The following PTPRR variants were observed in gnomAD, a reference collection of about 807,000 sequenced individuals.
PTPRR encodes the protein protein tyrosine phosphatase receptor type R, also known as receptor-type tyrosine-protein phosphatase R.
A neutral mutation model predicts 77.2 loss-of-function variants in PTPRR; 38 were observed. The ratio of observed to expected loss-of-function variants is 0.49; its 90% CI spans 0.38 to 0.65. The LOEUF (loss-of-function observed/expected upper bound fraction) is 0.65. Among genes scored for constraint, PTPRR ranks in the 30% least tolerant of loss-of-function variants. PTPRR has a pLI of 0.00. For synonymous variants in PTPRR, 299 were observed against 283.1 expected (o/e 1.06, Z -0.57); for missense variants, 744 against 799.2 (o/e 0.93, Z 0.83).
intron 2 of PTPRR, among the ~76,000 whole-genome samples, chr12:70,853,174 C>A (rs1471189051): frequency 1.3e-5 from 2 of 152,148 alleles, no homozygotes; most frequent in African/African-American, 4.8e-5. Flanking sequence ...TTACTCTGTG[C>A]AATTACTGTG....
intron 2 of PTPRR, among the ~76,000 whole-genome samples, chr12:70,828,949 G>A (rs12302921): frequency 0.027 from 4,142 of 152,186 alleles, 115 homozygotes; most frequent in African/African-American, 0.076. Context: ...CCAGGCAGCA[G>A]GCAAGGTGCC....
intron 2 of PTPRR, among the ~76,000 whole-genome samples, chr12:70,867,785 T>G (rs1227031048): frequency 2.0e-5 from 3 of 152,160 alleles, no homozygotes; most frequent in Non-Finnish European, 2.9e-5. Context: ...GACTTCAAAC[T>G]ATACTACAAG....
intron 6 of PTPRR, among the ~76,000 whole-genome samples, chr12:70,726,874 G>A (rs1889458375): frequency 6.6e-6 from 1 of 152,052 alleles, no homozygotes; most frequent in African/African-American, 2.4e-5. Context: ...GAGCCACCAC[G>A]CCTGGCTGCA....
At chr12:70,914,334 T>A (rs995970462) in intron 1 of PTPRR, among the ~76,000 whole-genome samples, 1 of 152,156 alleles carries the variant, frequency 6.6e-6, no homozygotes, top group African/African-American at 2.4e-5. Context: ...ATTAAAGAAT[T>A]TTTTGGAGAA....
chr12:70,881,146 G>A (rs932665767), intron 2 of PTPRR, among the ~76,000 whole-genome samples: 1 of 152,082 alleles, frequency 6.6e-6, no homozygotes, highest in Non-Finnish European at 1.5e-5. Flanking sequence ...TGAACTTGAT[G>A]GCTCAAGTCA....
At chr12:70,913,955 T>C (rs540278474) in intron 1 of PTPRR, among the ~76,000 whole-genome samples, 80 of 152,304 alleles carry the variant, frequency 5.3e-4, no homozygotes, top group Non-Finnish European at 9.3e-4. Context: ...AATTGTGTTA[T>C]TGTTCTCAAA....
At chr12:70,879,255 A>G (rs1312032779) in intron 2 of PTPRR, among the ~76,000 whole-genome samples, 3 of 152,212 alleles carry the variant, frequency 2.0e-5, no homozygotes, top group Non-Finnish European at 4.4e-5. Flanking sequence ...GTATAATTAA[A>G]AAGAAAAAAA....
At position 70,727,524 on chromosome 12, in the gene PTPRR, G is replaced by A. The variant is rs1889485704; in HGVS notation, c.1007+18294C>T. Among the ~76,000 whole-genome samples the A allele has an allele frequency of 2.0e-5, 3 of 152,124 alleles. No individual in the cohort carries two copies. The South Asian group carries it at 6.2e-4, about 31-fold the overall frequency. On this transcript the variant is annotated intron_variant, in intron 6 of 13. Coordinates refer to ENST00000283228, the MANE Select transcript of PTPRR (RefSeq NM_002849.4). Reference sequence around the variant, plus strand: ...ATAAAAGAAGCTATCAGATACTTTTGTATTGTGATCAGGTTTTCCAAGTGG... The same window carrying A: ...ATAAAAGAAGCTATCAGATACTTTTATATTGTGATCAGGTTTTCCAAGTGG...
rs115505553 is a variant in PTPRR, at chr12:70,663,785, A to G, written c.1498-1180T>C. 4.9e-3 allele frequency among the ~76,000 whole-genome samples: 746 copies of G among 152,328 alleles called. 8 individuals are homozygous for G. Among genetic ancestry groups the G allele is most frequent in the African/African-American group, 0.017 (721 of 41,574 alleles). ...AAATAGCACTTATTTTCTCCCAACCATACATACATTTACATAGAAATTCTT... is the reference window on the plus strand; with the variant it reads ...AAATAGCACTTATTTTCTCCCAACCGTACATACATTTACATAGAAATTCTT... On this transcript the variant is annotated intron_variant, in intron 10 of 13. Transcript: ENST00000283228.
rs755557106 is a variant in PTPRR at position 70,644,664 on chromosome 12, ATTATTGTTATTG to A, written c.1881-5399_1881-5388del. Among the ~76,000 whole-genome samples, 63 of 152,318 alleles carry A rather than the reference ATTATTGTTATTG, an allele frequency of 4.1e-4. 1 individual carries two copies. Among genetic ancestry groups the A allele is most frequent in the East Asian group, 1.9e-3 (10 of 5,188 alleles). On this transcript the variant is annotated intron_variant, in intron 13 of 13. Coordinates refer to ENST00000283228, the MANE Select transcript of PTPRR (RefSeq NM_002849.4). The stretch of plus-strand genomic sequence containing the variant: ...ATCAATACCATAAATGTCAACTATT[ATTATTGTTATTG>A]TTATTGTTACTCTTTGGTACCATCT...
At chr12:70,781,255 C>G (rs893021624) in intron 2 of PTPRR, among the ~76,000 whole-genome samples, 8 of 152,116 alleles carry the variant, frequency 5.3e-5, no homozygotes, top group Non-Finnish European at 1.0e-4. Flanking sequence ...GTTAGGTAGC[C>G]TTATTTCAGC....
At chr12:70,640,846 C>T (rs1885971463) in intron 13 of PTPRR, among the ~76,000 whole-genome samples, 1 of 152,024 alleles carries the variant, frequency 6.6e-6, no homozygotes, top group Non-Finnish European at 1.5e-5. Context: ...AACAGTGATT[C>T]CCCAGGAAAA....
At chr12:70,674,521 CT>C (rs1283697615) in intron 10 of PTPRR, among the ~76,000 whole-genome samples, 7 of 152,018 alleles carry the variant, frequency 4.6e-5, no homozygotes, top group Admixed American at 6.6e-5. Flanking sequence ...TGTGTTAAAA[CT>C]TTTTTTAAGC....
chr12:70,732,500 C>A (rs1263496789), intron 6 of PTPRR, among the ~76,000 whole-genome samples: 1 of 152,210 alleles, frequency 6.6e-6, no homozygotes, highest in South Asian at 2.1e-4. Flanking sequence ...GGCCAGGCAA[C>A]CTGCCAGCAC....
intron 2 of PTPRR, among the ~76,000 whole-genome samples, chr12:70,827,696 C>T (rs1453313587): frequency 1.4e-5 from 2 of 147,472 alleles, no homozygotes; most frequent in Non-Finnish European, 3.0e-5. Context: ...TAGGTGCCTG[C>T]CACCACACCT....
intron 2 of PTPRR, among the ~76,000 whole-genome samples, chr12:70,856,301 G>A (rs1274836022): frequency 6.6e-6 from 1 of 152,150 alleles, no homozygotes; most frequent in Non-Finnish European, 1.5e-5. Flanking sequence ...GTGAAGGTGT[G>A]TGAAACAAGT....
chr12:70,813,986 G>A (rs1034765122), intron 2 of PTPRR, among the ~76,000 whole-genome samples: 1 of 152,122 alleles, frequency 6.6e-6, no homozygotes, highest in Non-Finnish European at 1.5e-5. Context: ...GATAGTTCCT[G>A]TTTCCACCAG....
chr12:70,772,988 C>A (rs1032134339), intron 2 of PTPRR, among the ~76,000 whole-genome samples: 3 of 151,984 alleles, frequency 2.0e-5, no homozygotes, highest in Non-Finnish European at 4.4e-5. Context: ...GGGGAGAATC[C>A]TTCCTTGCTT....
chr12:70,748,165 A>T (rs1019758726), intron 5 of PTPRR, among the ~76,000 whole-genome samples: 1 of 152,132 alleles, frequency 6.6e-6, no homozygotes, highest in Non-Finnish European at 1.5e-5. Context: ...GGATCATAAA[A>T]TTTTTGTGGT....
Sources: allele counts gnomAD v4.1 joint callset (sites outside exome capture counted in the v4.1 genomes callset), GRCh38; gene constraint gnomAD v4.1.1; transcripts MANE v1.5; gene names NCBI Gene and HGNC (gene_info 2026-07-23, HGNC 2026-07-21).